Variants in CUBN observed in about 807,000 individuals in gnomAD.
CUBN encodes 460 kDa receptor.
CUBN carries 282 observed loss-of-function variants against 405.3 expected under a neutral mutation model. The observed-to-expected ratio is 0.70, with a 90% CI of 0.63 to 0.77. CUBN has a LOEUF of 0.77. CUBN is among the 30% of genes least tolerant of loss of function. The probability of loss-of-function intolerance (pLI) is 0.00; values close to 1 mark genes in which losing one functional copy is unlikely to be tolerated. For synonymous variants in CUBN, 1,684 were observed against 1,617.0 expected (o/e 1.04, Z -0.99); for missense variants, 4,514 against 4,475.2 (o/e 1.01, Z -0.25).
intron 56 of CUBN, among the ~76,000 whole-genome samples, chr10:16,880,509 G>C (rs1447027607): frequency 1.3e-5 from 2 of 152,364 alleles, no homozygotes; most frequent in South Asian, 4.1e-4. Flanking sequence ...GGGGAAGAGA[G>C]AGCATGCTGA....
chr10:16,950,834 C>T (rs1034375694), intron 33 of CUBN, among the ~76,000 whole-genome samples: 7 of 152,154 alleles, frequency 4.6e-5, no homozygotes, highest in Non-Finnish European at 8.8e-5. Context: ...GTGTTCCTCG[C>T]AGAAGCATTT....
chr10:17,028,720 CAA>C (rs563255831), intron 27 of CUBN, among the ~76,000 whole-genome samples: 5 of 109,094 alleles, frequency 4.6e-5, no homozygotes, highest in Admixed American at 9.8e-5. Context: ...GACTCTGTCT[CAA>C]AAAAAAAAAG....
intron 25 of CUBN, among the ~76,000 whole-genome samples, 176 bp downstream of exon 25, chr10:17,044,830 TA>T (rs1265984367): frequency 3.7e-4 from 56 of 152,318 alleles, no homozygotes; most frequent in African/African-American, 1.3e-3. Context: ...AGCCATTGAG[TA>T]CTTCGAAGAT....
intron 6 of CUBN, among the ~76,000 whole-genome samples, chr10:17,119,431 G>A (rs547293522): frequency 2.0e-5 from 3 of 152,246 alleles, no homozygotes; most frequent in South Asian, 2.1e-4. Flanking sequence ...TGGCTGAAGC[G>A]GGCAGATCAC....
chr10:17,088,039 C>T, intron 15 of CUBN, 125 bp downstream of exon 15: 1 of 716,142 alleles, frequency 1.4e-6, no homozygotes. Context: ...TAGATATTGA[C>T]TGACTATTGA....
chr10:17,001,258 A>C (rs1424051615), intron 28 of CUBN, among the ~76,000 whole-genome samples: 1 of 152,216 alleles, frequency 6.6e-6, no homozygotes, highest in East Asian at 1.9e-4. Flanking sequence ...GTGAAGAGCA[A>C]AAGAACAAAG....
chr10:17,028,683 T>C (rs1232197558), intron 27 of CUBN, among the ~76,000 whole-genome samples: 2 of 149,024 alleles, frequency 1.3e-5, no homozygotes, highest in African/African-American at 2.5e-5. Context: ...AATGCAACAC[T>C]GCACTCAAGC....
intron 59 of CUBN, among the ~76,000 whole-genome samples, chr10:16,855,144 T>A (rs1035730343): frequency 7.1e-6 from 1 of 141,292 alleles, no homozygotes; most frequent in African/African-American, 2.6e-5. Context: ...GAGGACTTGC[T>A]ATGATGCCCA....
In CUBN at chr10:16,982,553, A is replaced by T. The variant is rs369704547; in HGVS notation, c.4626T>A (p.Val1542=). 1 of 1,613,916 alleles carries T rather than the reference A, an allele frequency of 6.2e-7. No homozygotes were observed. Among genetic ancestry groups the T allele is most frequent in the East Asian group, 2.2e-5 (1 of 44,868 alleles). The change falls in exon 31 of 67, where the codon GTT becomes GTA. Residue 1542 remains valine, a synonymous_variant. Coordinates refer to ENST00000377833, the MANE Select transcript of CUBN (RefSeq NM_001081.4). The part of the protein sequence containing the change: ...SNTDCSWVIR[V]DRNHRVLLNF... ...TCAAGAGAACACGATGATTTCTGTC[A>T]ACCCGAATGACCCAAGAACAGTCTG...
chr10:17,081,864 T>C (rs184739668), intron 17 of CUBN, among the ~76,000 whole-genome samples: 1 of 152,314 alleles, frequency 6.6e-6, no homozygotes, highest in East Asian at 1.9e-4. Flanking sequence ...ATTCTACAGG[T>C]TGGTTGTATT....
intron 6 of CUBN, among the ~76,000 whole-genome samples, chr10:17,117,813 T>C (rs913007184): frequency 6.6e-6 from 1 of 152,172 alleles, no homozygotes; most frequent in Non-Finnish European, 1.5e-5. Flanking sequence ...TGGGATAAGA[T>C]TGCCTAGGTT....
intron 65 of CUBN, among the ~76,000 whole-genome samples, chr10:16,829,354 A>AAC (rs755049179): frequency 2.0e-5 from 3 of 150,622 alleles, no homozygotes; most frequent in South Asian, 2.1e-4. Context: ...AAAAAAAAAA[A>AAC]AAAACAAACT....
chr10:16,889,677 C>T (rs1417646168), intron 55 of CUBN, among the ~76,000 whole-genome samples: 3 of 151,330 alleles, frequency 2.0e-5, no homozygotes, highest in South Asian at 2.1e-4. Flanking sequence ...GGGCGGTTCA[C>T]GAGGTCAAGA....
Position 16,990,508 on chromosome 10 carries a change from A to C in CUBN, c.4176T>G (p.Gly1392=). The C allele has an allele frequency of 6.2e-7, 1 of 1,614,180 alleles. No homozygotes were observed. The highest frequency in any genetic ancestry group is 1.1e-5 in the South Asian group (1 of 91,082). The change falls in exon 29 of 67, where the codon GGT becomes GGG. Residue 1392 remains glycine (G), a synonymous_variant. Transcript: ENST00000377833. ...FQMQWFVYGC[G]GELSGATGSF... is the part of the protein sequence containing the mutation. ...AGCCTGTGGCCCCAGACAGCTCTCC[A>C]CCACAACCTGTTAAAACAGAAAGGT...
At chr10:16,849,653 A>G (rs557545015) in intron 60 of CUBN, among the ~76,000 whole-genome samples, 1 of 152,222 alleles carries the variant, frequency 6.6e-6, no homozygotes, top group Non-Finnish European at 1.5e-5. Flanking sequence ...TATTTTCTCT[A>G]AAGTTTATTG....
rs1293884004 is a variant in CUBN, at chr10:16,840,471, T to C, written c.9891A>G (p.Ser3297=). The change falls in exon 62 of 67, where the codon TCA becomes TCG. Residue 3297 remains serine (S), a synonymous_variant. Transcript: ENST00000377833. The part of the protein sequence containing the change: ...TPQNISSPNS[S]DPDVPFSICT... ...AGATGGAAAATGGGACATCTGGGTCTGATGAATTGGGTGATGAAATATTTT... is the reference window on the plus strand; with the variant it reads ...AGATGGAAAATGGGACATCTGGGTCCGATGAATTGGGTGATGAAATATTTT... The C allele has an allele frequency of 1.2e-6, 2 of 1,613,866 alleles. No individual in the cohort carries two copies. The highest frequency in any genetic ancestry group is 8.5e-7 in the Non-Finnish European group (1 of 1,179,878).
chr10:16,925,716 C>T lies in CUBN; in HGVS notation c.6330G>A (p.Glu2110=). 1 of 1,613,988 alleles carries T rather than the reference C, an allele frequency of 6.2e-7. No homozygotes were observed. The highest frequency in any genetic ancestry group is 8.5e-7 in the Non-Finnish European group (1 of 1,179,950). The part of the protein sequence containing the change: ...RGIITSPKYP[E]TYPSNLNCSW... Reference sequence around the variant, plus strand: ...AACAGTTGAGGTTGGATGGGTAAGTCTCTGGATACTTGGGGGACGTGATGA... The same window carrying T: ...AACAGTTGAGGTTGGATGGGTAAGTTTCTGGATACTTGGGGGACGTGATGA... The change falls in exon 42 of 67, where the codon GAG becomes GAA. Residue 2110 remains glutamate, a synonymous_variant. Transcript: ENST00000377833.
intron 3 of CUBN, among the ~76,000 whole-genome samples, chr10:17,127,272 T>TC (rs1360859222): frequency 8.4e-6 from 1 of 118,470 alleles, no homozygotes; most frequent in Non-Finnish European, 1.8e-5. Flanking sequence ...TTCTTTTTTT[T>TC]TTTTTTTTTT....
chr10:16,887,941 G>A (rs182248312), intron 56 of CUBN, among the ~76,000 whole-genome samples: 1 of 152,274 alleles, frequency 6.6e-6, no homozygotes, highest in Non-Finnish European at 1.5e-5. Context: ...GGATGAACCT[G>A]GAGGACATTA....
Sources: allele counts gnomAD v4.1 joint callset (sites outside exome capture counted in the v4.1 genomes callset), GRCh38; gene constraint gnomAD v4.1.1; transcripts MANE v1.5; gene names NCBI Gene and HGNC (gene_info 2026-07-23, HGNC 2026-07-21).